The following PLA2G4D variants were observed in gnomAD, a reference collection of about 807,000 sequenced individuals.
PLA2G4D encodes phospholipase A2 group IVD, also known as cytosolic phospholipase A2 delta.
A neutral mutation model predicts 94.4 loss-of-function variants in PLA2G4D; 80 were observed. The observed-to-expected ratio is 0.85, with a 90% CI of 0.71 to 1.02. The LOEUF is 1.02. Ranked by LOEUF, PLA2G4D falls within the 50% of genes least tolerant of loss-of-function variation. The pLI is 0.00. For missense variants in PLA2G4D, 1,050 were observed against 1,034.7 expected, an observed-to-expected ratio of 1.01 and a Z score of -0.20; for synonymous variants, 438 against 440.9, an observed-to-expected ratio of 0.99 and a Z score of 0.08.
chr15:42,089,734 C>T (rs770119000), intron 1 of PLA2G4D, among the ~76,000 whole-genome samples: 4 of 152,140 alleles, frequency 2.6e-5, no homozygotes, highest in Non-Finnish European at 5.9e-5. Context: ...AGGTGAAGGG[C>T]AGAGGCAGCC....
At position 42,068,071 on chromosome 15, in the gene PLA2G4D, G is replaced by A. The variant is rs541598118; in HGVS notation, c.*644C>T. 1 of 152,284 alleles carries A rather than the reference G, an allele frequency of 6.6e-6. No individual in the cohort carries two copies. The highest frequency in any genetic ancestry group is 2.1e-4 in the South Asian group (1 of 4,820). 9.4% of individuals were successfully genotyped at this position (152,284 alleles called of 1,614,324 possible). ...AGAAATCCGCAAAAGTATTAGAGCC[G>A]GTAAACAACTTCAGCAAGATTGCGG... is the stretch of plus-strand genomic sequence containing the variant. On this transcript the variant is annotated 3_prime_UTR_variant, in exon 20 of 20. Coordinates refer to ENST00000290472, the MANE Select transcript of PLA2G4D (RefSeq NM_178034.4).
Position 42,083,732 on chromosome 15 carries a change from G to A in PLA2G4D, c.519C>T (p.Ser173=), listed in dbSNP as rs368159021. 5.3e-5 allele frequency: 85 copies of A among 1,613,918 alleles called. No homozygotes were observed. The highest frequency in any genetic ancestry group is 8.3e-5 in the Admixed American group (5 of 60,010). Residue 173 remains serine, a synonymous_variant, in exon 7 of 20, where the codon AGC becomes AGT. Coordinates refer to ENST00000290472, the MANE Select transcript of PLA2G4D (RefSeq NM_178034.4). The stretch of plus-strand genomic sequence containing the variant: ...TGGTCTCACCTGCAACCACAGCGGT[G>A]CTCCCTGTGCTGTCCAGATGCACAT... ...CLDVHLDSTG[S]TAVVADQDKL...
chr15:42,087,664 C>T lies in PLA2G4D; in HGVS notation c.82G>A (p.Val28Ile), dbSNP rs1316396281. The change falls in exon 2 of 20, where the codon GTC (valine) becomes ATC (isoleucine). Residue 28 changes from valine to isoleucine, a missense_variant. Val to Ile is a conservative substitution (Grantham distance 29). Transcript: ENST00000290472. ...ASTCWQLTVRVLEARNLRWAD... is the reference protein window; with the variant it reads ...ASTCWQLTVRILEARNLRWAD... ...CAGCGCAGGTTCCGCGCCTCCAGGA[C>T]CCTCACTGTGAGCTGCCAGCAGGTA... is the stretch of plus-strand genomic sequence containing the variant. 2 of 1,614,202 alleles carry T rather than the reference C, an allele frequency of 1.2e-6. No individual in the cohort carries two copies. The highest frequency in any genetic ancestry group is 2.2e-5 in the South Asian group (2 of 91,092).
Position 42,092,662 on chromosome 15 carries a change from C to G in PLA2G4D, c.45+1753G>C, listed in dbSNP as rs1377660905. Among the ~76,000 whole-genome samples, 7 of 152,150 alleles carry G rather than the reference C, an allele frequency of 4.6e-5. No homozygotes were observed. The East Asian group carries it at 9.7e-4, about 21-fold the overall frequency. On this transcript the variant is annotated intron_variant, in intron 1 of 19. Transcript: ENST00000290472. ...CACCTGTAGGATCCCCCGAATGCCT[C>G]CCTGCTGAGGGTCTCAGCCACTCTG...
chr15:42,072,434 A>T, intron 13 of PLA2G4D, 42 bp from the exon 14 acceptor site: 1 of 1,535,950 alleles, frequency 6.5e-7, no homozygotes. Context: ...GGCTGGGAGT[A>T]CCCTGGAGGC....
chr15:42,086,139 G>T, intron 4 of PLA2G4D, 74 bp downstream of exon 4: 1 of 1,465,206 alleles, frequency 6.8e-7, no homozygotes, highest in Non-Finnish European at 9.3e-7. Context: ...CAACAGGTGG[G>T]AGAAATAGCT....
intron 18 of PLA2G4D, 68 bp downstream of exon 18, chr15:42,070,649 G>T: frequency 1.3e-6 from 2 of 1,483,770 alleles, no homozygotes; most frequent in Non-Finnish European, 9.1e-7. Context: ...GGGCTCAGTG[G>T]CCCTGCTGCT....
chr15:42,070,629 TG>T (rs1889785790), intron 18 of PLA2G4D, 87 bp downstream of exon 18: 1 of 1,397,760 alleles, frequency 7.2e-7, no homozygotes, highest in East Asian at 2.5e-5. Context: ...ACCCCGGCGG[TG>T]TGGGGCAGGG....
At chr15:42,076,771 A>G (rs1264625253) in intron 13 of PLA2G4D, among the ~76,000 whole-genome samples, 1 of 152,140 alleles carries the variant, frequency 6.6e-6, no homozygotes, top group African/African-American at 2.4e-5. Context: ...AATTAACACA[A>G]CTCCTTTGGA....
intron 1 of PLA2G4D, among the ~76,000 whole-genome samples, chr15:42,094,092 G>T (rs1370872220): frequency 6.6e-6 from 1 of 152,122 alleles, no homozygotes; most frequent in African/African-American, 2.4e-5. Flanking sequence ...TGGTGGTGGG[G>T]CTGTGGGCCT....
rs1188230372 is a variant in PLA2G4D at position 42,086,336 on chromosome 15, C to T, written c.264G>A (p.Leu88=). 1 of 1,613,692 alleles carries T rather than the reference C, an allele frequency of 6.2e-7. No individual in the cohort carries two copies. Among genetic ancestry groups the T allele is most frequent in the Non-Finnish European group, 8.5e-7 (1 of 1,179,918 alleles). ...FLIQSQVKNV[L]ELSIYDEDSV... ...AGTCCTCATCATAGATGCTAAGCTC[C>T]AGAACATTCTAGGAACCAGGAACAG... is the stretch of plus-strand genomic sequence containing the variant. The change falls in exon 4 of 20, where the codon CTG becomes CTA. Residue 88 remains leucine (L), a synonymous_variant. Coordinates refer to ENST00000290472, the MANE Select transcript of PLA2G4D (RefSeq NM_178034.4).
At chr15:42,092,078 T>C (rs369584935) in intron 1 of PLA2G4D, among the ~76,000 whole-genome samples, 70 of 152,294 alleles carry the variant, frequency 4.6e-4, no homozygotes, top group Admixed American at 2.7e-3. Flanking sequence ...CTCTTTGTCT[T>C]GTGTCTTTAT....
At chr15:42,077,710 T>C (rs1382301523) in intron 13 of PLA2G4D, among the ~76,000 whole-genome samples, 1 of 152,262 alleles carries the variant, frequency 6.6e-6, no homozygotes, top group Admixed American at 6.5e-5. Context: ...ATGTTCTGCC[T>C]ATGGGCCCCT....
At chr15:42,091,943 C>T (rs557525395) in intron 1 of PLA2G4D, among the ~76,000 whole-genome samples, 29 of 152,330 alleles carry the variant, frequency 1.9e-4, no homozygotes, top group African/African-American at 6.0e-4. Context: ...ATGACTCACA[C>T]TCTCTACCCT....
chr15:42,079,032 G>A (rs1889981139), intron 13 of PLA2G4D, among the ~76,000 whole-genome samples: 1 of 152,150 alleles, frequency 6.6e-6, no homozygotes, highest in Admixed American at 6.5e-5. Context: ...GTATCACTGA[G>A]TATTCAGAAC....
In PLA2G4D at chr15:42,082,384, G is replaced by A; in HGVS notation, c.678C>T (p.Ser226=). The A allele has an allele frequency of 1.9e-6, 3 of 1,613,580 alleles. No homozygotes were observed. Among genetic ancestry groups the A allele is most frequent in the Non-Finnish European group, 1.7e-6 (2 of 1,179,636 alleles). Residue 226 remains serine, a synonymous_variant, in exon 9 of 20, where the codon TCC becomes TCT. Transcript: ENST00000290472. The part of the protein sequence containing the change: ...ETELSGRLRS[S]RSNGWNGDNS... ...TGTCCCCATTCCAGCCATTGCTTCT[G>A]GAGCTCTGAAGGGAAAGCATCATTC... is the stretch of plus-strand genomic sequence containing the variant.
At chr15:42,083,954 C>T in intron 6 of PLA2G4D, 175 bp from the exon 7 acceptor site, 1 of 621,598 alleles carries the variant, frequency 1.6e-6, no homozygotes, top group Non-Finnish European at 2.8e-6. Flanking sequence ...TCTGCCGCGG[C>T]TGAACCTGAT....
chr15:42,072,173 G>C, intron 14 of PLA2G4D, 102 bp downstream of exon 14: 1 of 1,150,068 alleles, frequency 8.7e-7, no homozygotes, highest in South Asian at 1.4e-5. Context: ...CGGAACATTG[G>C]GCAATCTGTG....
intron 15 of PLA2G4D, 99 bp downstream of exon 15, chr15:42,071,675 C>CCCA: frequency 7.1e-7 from 1 of 1,407,256 alleles, no homozygotes; most frequent in Non-Finnish European, 9.9e-7. Context: ...CACCCCTCCC[C>CCCA]CTTGTCCTGA....
Sources: gnomAD v4.1 joint callset for allele counts (sites outside exome capture counted in the v4.1 genomes callset) on GRCh38, gnomAD v4.1.1 for gene constraint, MANE v1.5 for transcripts, NCBI Gene and HGNC (gene_info 2026-07-23, HGNC 2026-07-21) for gene names.